Variants in CDH12 observed in about 807,000 individuals in gnomAD.
CDH12 encodes cadherin 12.
In CDH12, 41 loss-of-function variants were observed where a neutral mutation model predicts 74.1. The ratio of observed to expected loss-of-function variants is 0.55; its 90% CI spans 0.43 to 0.72. The LOEUF (loss-of-function observed/expected upper bound fraction) is 0.72, where lower values mean the gene tolerates loss of function less well. CDH12 is among the 30% of genes least tolerant of loss of function. The probability of loss-of-function intolerance (pLI) is 0.00; values close to 1 mark genes in which losing one functional copy is unlikely to be tolerated. For missense variants in CDH12, 945 were observed against 977.2 expected (o/e 0.97, Z 0.44); for synonymous variants, 399 against 355.0 (o/e 1.12, Z -1.39).
At chr5:22,130,755 T>C (rs1746135458) in intron 4 of CDH12, among the ~76,000 whole-genome samples, 1 of 152,112 alleles carries the variant, frequency 6.6e-6, no homozygotes, top group South Asian at 2.1e-4. Context: ...AAAACATATA[T>C]TAAATTAGAC....
intron 3 of CDH12, among the ~76,000 whole-genome samples, chr5:22,297,789 T>C (rs1351630332): frequency 6.6e-6 from 1 of 152,142 alleles, no homozygotes; most frequent in Non-Finnish European, 1.5e-5. Flanking sequence ...ACCTGTGCAA[T>C]TGTTATTGCT....
intron 6 of CDH12, among the ~76,000 whole-genome samples, chr5:21,938,562 A>C (rs1324928248): frequency 6.7e-6 from 1 of 149,654 alleles, no homozygotes; most frequent in African/African-American, 2.5e-5. Context: ...CAGAGAGACA[A>C]GAATCAAAGC....
intron 4 of CDH12, among the ~76,000 whole-genome samples, chr5:22,189,480 C>T (rs1279551580): frequency 4.6e-5 from 7 of 151,924 alleles, no homozygotes; most frequent in African/African-American, 1.2e-4. Flanking sequence ...ATATTGCATA[C>T]TGTATGCTAC....
chr5:22,074,792 T>C (rs1201206086), intron 5 of CDH12, among the ~76,000 whole-genome samples: 1 of 152,018 alleles, frequency 6.6e-6, no homozygotes, highest in Non-Finnish European at 1.5e-5. Flanking sequence ...ATGGCAATCA[T>C]TAAAAAGTCA....
rs568709716 is a variant in CDH12, at chr5:22,207,652, TG to T, written c.-187+4845del. 8.5e-4 allele frequency among the ~76,000 whole-genome samples: 129 copies of T among 152,316 alleles called. 2 individuals carry two copies. Among genetic ancestry groups the T allele is most frequent in the African/African-American group, 2.9e-3 (121 of 41,574 alleles). On this transcript the variant is annotated intron_variant, in intron 4 of 14. Coordinates refer to ENST00000382254, the MANE Select transcript of CDH12 (RefSeq NM_004061.5). ...AATTCAGTTGCTAATTTAGTCCTCA[TG>T]ACAAATAGAATGGTTTCTCTAAAAT...
At chr5:22,786,397 TG>T (rs1227751465) in intron 1 of CDH12, among the ~76,000 whole-genome samples, 1 of 152,206 alleles carries the variant, frequency 6.6e-6, no homozygotes, top group Non-Finnish European at 1.5e-5. Flanking sequence ...GTTCCCTTTG[TG>T]GGGTTGGCCC....
chr5:21,822,820 G>T (rs569212312), intron 8 of CDH12, among the ~76,000 whole-genome samples: 3 of 151,938 alleles, frequency 2.0e-5, no homozygotes, highest in Admixed American at 6.6e-5. Flanking sequence ...CACAATATCC[G>T]TCATATTAAT....
At chr5:22,401,988 G>A (rs1418942128) in intron 3 of CDH12, among the ~76,000 whole-genome samples, 3 of 152,194 alleles carry the variant, frequency 2.0e-5, no homozygotes, top group Non-Finnish European at 4.4e-5. Flanking sequence ...AACCAGTCCG[G>A]CTAACACTTC....
chr5:22,568,371 A>G (rs529265895), intron 1 of CDH12, among the ~76,000 whole-genome samples: 3 of 152,222 alleles, frequency 2.0e-5, no homozygotes, highest in Non-Finnish European at 4.4e-5. Flanking sequence ...TAGAAAAAGA[A>G]TGAGGATAGA....
intron 3 of CDH12, among the ~76,000 whole-genome samples, chr5:22,403,135 A>C (rs1028249929): frequency 6.6e-6 from 1 of 152,324 alleles, no homozygotes; most frequent in Non-Finnish European, 1.5e-5. Context: ...TTCTCCCAGA[A>C]AGGACCAACC....
At chr5:22,577,748 T>G (rs1392022915) in intron 1 of CDH12, among the ~76,000 whole-genome samples, 2 of 152,220 alleles carry the variant, frequency 1.3e-5, no homozygotes, top group African/African-American at 4.8e-5. Context: ...TTACTGTTAT[T>G]ATCCCAAGTT....
intron 3 of CDH12, among the ~76,000 whole-genome samples, chr5:22,288,404 C>T (rs1207613246): frequency 6.6e-6 from 1 of 152,108 alleles, no homozygotes; most frequent in Non-Finnish European, 1.5e-5. Context: ...CCAGATGCTG[C>T]TTCAAAACAT....
intron 1 of CDH12, among the ~76,000 whole-genome samples, chr5:22,721,454 T>C (rs1339845000): frequency 2.0e-5 from 3 of 152,232 alleles, no homozygotes; most frequent in Non-Finnish European, 2.9e-5. Context: ...TGTACCCTCA[T>C]TGTATCTTGG....
intron 4 of CDH12, among the ~76,000 whole-genome samples, chr5:22,145,888 C>T (rs375721251): frequency 3.3e-5 from 5 of 152,162 alleles, no homozygotes. Flanking sequence ...AAGCACAACA[C>T]AGCTCAGAAA....
intron 5 of CDH12, among the ~76,000 whole-genome samples, chr5:22,039,851 T>C (rs1280106351): frequency 6.6e-6 from 1 of 151,814 alleles, no homozygotes; most frequent in Non-Finnish European, 1.5e-5. Flanking sequence ...AGCCTGTCTG[T>C]AAAGTTTGGA....
intron 5 of CDH12, among the ~76,000 whole-genome samples, chr5:22,015,678 T>C (rs1486643325): frequency 6.6e-6 from 1 of 152,164 alleles, no homozygotes; most frequent in Non-Finnish European, 1.5e-5. Flanking sequence ...ATAATGTCCA[T>C]GGCTTTATAG....
intron 1 of CDH12, among the ~76,000 whole-genome samples, chr5:22,805,552 T>A (rs1318851542): frequency 1.3e-5 from 2 of 152,154 alleles, no homozygotes; most frequent in African/African-American, 2.4e-5. Context: ...TGATCCTTAT[T>A]ATGTATATTA....
chr5:22,686,748 T>C (rs911643276), intron 1 of CDH12, among the ~76,000 whole-genome samples: 3 of 152,206 alleles, frequency 2.0e-5, no homozygotes, highest in African/African-American at 7.2e-5. Flanking sequence ...TTAAATTCAA[T>C]AATACACATA....
intron 1 of CDH12, among the ~76,000 whole-genome samples, chr5:22,682,811 C>T (rs561902442): frequency 1.3e-5 from 2 of 151,682 alleles, no homozygotes; most frequent in Non-Finnish European, 2.9e-5. Context: ...AAAAAAAAAG[C>T]AAAACAAAAC....
Sources: gnomAD v4.1 joint callset for allele counts (sites outside exome capture counted in the v4.1 genomes callset) on GRCh38, gnomAD v4.1.1 for gene constraint, MANE v1.5 for transcripts, NCBI Gene and HGNC (gene_info 2026-07-23, HGNC 2026-07-21) for gene names.